Variants in USP9X observed in about 807,000 individuals in gnomAD.
USP9X encodes the protein ubiquitin specific peptidase 9 X-linked.
USP9X carries 7 observed loss-of-function variants against 190.3 expected under a neutral mutation model. The observed-to-expected ratio is 0.04, with a 90% CI of 0.02 to 0.07. The LOEUF is 0.07. Ranked by LOEUF, USP9X falls within the 10% of genes least tolerant of loss-of-function variation. The pLI is 1.00. For synonymous variants in USP9X, 645 were observed against 659.5 expected, an observed-to-expected ratio of 0.98 and a Z score of 0.34; for missense variants, 1,010 against 1,916.9, an observed-to-expected ratio of 0.53 and a Z score of 8.83.
intron 13 of USP9X, among the ~76,000 whole-genome samples, chrX:41,151,873 C>T (rs934533301): frequency 1.8e-5 from 2 of 112,302 alleles, no homozygotes; most frequent in South Asian, 3.7e-4. Context: ...CCCAGTTACT[C>T]GGGAAGCTGA....
chrX:41,210,142 T>A (rs1479304301), intron 32 of USP9X, among the ~76,000 whole-genome samples: 1 of 111,582 alleles, frequency 9.0e-6, no homozygotes, highest in Non-Finnish European at 1.9e-5. Flanking sequence ...CACATAAGAG[T>A]GAGATCCACC....
At chrX:41,195,622 G>A (rs1267879311) in intron 26 of USP9X, among the ~76,000 whole-genome samples, 1 of 111,519 alleles carries the variant, frequency 9.0e-6, no homozygotes, top group Non-Finnish European at 1.9e-5. Flanking sequence ...ATGGTTTCGG[G>A]ATGAAAGGAT....
At chrX:41,167,285 C>A in intron 16 of USP9X, 197 bp from the exon 17 acceptor site, 1 of 295,764 alleles carries the variant, frequency 3.4e-6, no homozygotes, top group Non-Finnish European at 6.0e-6. Flanking sequence ...TTAAATTATT[C>A]AGAGACTTTC....
At chrX:41,150,668 A>G (rs1193258080) in intron 12 of USP9X, among the ~76,000 whole-genome samples, 1 of 111,723 alleles carries the variant, frequency 9.0e-6, no homozygotes, top group Non-Finnish European at 1.9e-5. Context: ...GTGTGTACAG[A>G]TATATTTCAG....
intron 43 of USP9X, among the ~76,000 whole-genome samples, chrX:41,230,204 AAAAAG>A (rs1326679665): frequency 1.1e-4 from 12 of 111,848 alleles, no homozygotes; most frequent in South Asian, 3.7e-4. Flanking sequence ...TCCATCTCAA[AAAAAG>A]AAAAGAAAAG....
At chrX:41,226,440 G>A (rs1569203659) in intron 41 of USP9X, among the ~76,000 whole-genome samples, 1 of 111,888 alleles carries the variant, frequency 8.9e-6, no homozygotes, top group African/African-American at 3.2e-5. Context: ...TAGTTTGTTT[G>A]GGAAAACAAT....
intron 1 of USP9X, among the ~76,000 whole-genome samples, chrX:41,106,549 T>A (rs1271254157): frequency 1.2e-4 from 11 of 90,277 alleles, no homozygotes; most frequent in East Asian, 3.2e-4. Context: ...TTTTTTTTTT[T>A]AGACAGAGTC....
In USP9X at chrX:41,196,575, T is replaced by C. The variant is rs1278074597; in HGVS notation, c.4087-17T>C. ...AGGATGGACGTGTAAATTGATATTA[T>C]TCTACTCTGTTTCCAGAGCACAGCA... On this transcript the variant is annotated splice_polypyrimidine_tract_variant and intron_variant, in intron 27 of 44. Transcript: ENST00000378308. 1.7e-6 allele frequency: 2 copies of C among 1,203,666 alleles called. No homozygotes were observed. The highest frequency in any genetic ancestry group is 2.2e-6 in the Non-Finnish European group (2 of 893,127).
At chrX:41,119,682 T>C (rs1348512106) in intron 1 of USP9X, among the ~76,000 whole-genome samples, 2 of 112,295 alleles carry the variant, frequency 1.8e-5, no homozygotes, top group Admixed American at 1.9e-4. Context: ...ATTCACATAT[T>C]AGCCAGGTGT....
At chrX:41,192,277 C>T (rs1163134820) in intron 26 of USP9X, among the ~76,000 whole-genome samples, 1 of 112,253 alleles carries the variant, frequency 8.9e-6, no homozygotes, top group East Asian at 2.8e-4. Context: ...AACTTAAATG[C>T]CACATATTCT....
rs757076727 is a variant in USP9X, at chrX:41,166,811, G to A, written c.2328+597G>A. ...CAAACCATAGATAAAGATGTTTATT[G>A]TGGCATTTGAGTATTTAAAAGCTTT... On this transcript the variant is annotated intron_variant, in intron 16 of 44. Coordinates refer to ENST00000378308, the MANE Select transcript of USP9X (RefSeq NM_001039591.3). Among the ~76,000 whole-genome samples, 3 of 112,018 alleles carry A rather than the reference G, an allele frequency of 2.7e-5. No individual in the cohort carries two copies. In the East Asian group the frequency reaches 8.3e-4, roughly 31 times the overall value.
At chrX:41,172,369 A>G (rs2062734472) in intron 21 of USP9X, among the ~76,000 whole-genome samples, 1 of 111,872 alleles carries the variant, frequency 8.9e-6, no homozygotes, top group African/African-American at 3.2e-5. Flanking sequence ...ATGTTTGCCT[A>G]TACCTGGACT....
chrX:41,131,985 A>T (rs1035183371), intron 4 of USP9X, among the ~76,000 whole-genome samples: 1 of 111,627 alleles, frequency 9.0e-6, no homozygotes, highest in Non-Finnish European at 1.9e-5. Flanking sequence ...AATTATTTAC[A>T]CTTGACCTTT....
intron 26 of USP9X, among the ~76,000 whole-genome samples, chrX:41,191,329 CAAAAAAAA>C (rs60716097): frequency 1.5e-5 from 1 of 65,661 alleles, no homozygotes; most frequent in African/African-American, 5.7e-5. Flanking sequence ...AACTCCATGT[CAAAAAAAA>C]AAAAAAAAAA....
intron 1 of USP9X, among the ~76,000 whole-genome samples, chrX:41,120,439 A>G (rs183965088): frequency 1.2e-4 from 13 of 111,785 alleles, no homozygotes; most frequent in East Asian, 2.8e-4. Context: ...TGAGAAGTCT[A>G]TCTTCATATC....
chrX:41,110,746 A>T (rs1188247907), intron 1 of USP9X, among the ~76,000 whole-genome samples: 3 of 112,367 alleles, frequency 2.7e-5, no homozygotes, highest in African/African-American at 9.7e-5. Context: ...AAGTTGGGAA[A>T]TGAGAGACAA....
At position 41,171,804 on chromosome X, in the gene USP9X, T is replaced by C. The variant is rs370920912; in HGVS notation, c.3028-34T>C. The C allele has an allele frequency of 6.0e-5, 71 of 1,185,256 alleles. No homozygotes were observed. The African/African-American group carries it at 1.1e-3, about 18-fold the overall frequency. Reference sequence around the variant, plus strand: ...TTTTATAAAACGGGAGTAAATAATTTAGAGGTAATTATTTTGTGTATTTTA... The same window carrying C: ...TTTTATAAAACGGGAGTAAATAATTCAGAGGTAATTATTTTGTGTATTTTA... On this transcript the variant is annotated intron_variant, in intron 20 of 44. Transcript: ENST00000378308.
At position 41,128,946 on chromosome X, in the gene USP9X, T is replaced by C. The variant is rs2062282197; in HGVS notation, c.97-54T>C. ...TTGTCTATGTTGGTGTTTGGATTAC[T>C]ATTTTACATATGTTATAGAAACTTA... On this transcript the variant is annotated intron_variant, in intron 2 of 44. Transcript: ENST00000378308. The C allele has an allele frequency of 5.2e-6, 6 of 1,147,031 alleles. No individual in the cohort carries two copies. In the South Asian group the frequency reaches 7.7e-5, roughly 15 times the overall value. 94.5% of individuals were successfully genotyped at this position (1,147,031 alleles called of 1,213,427 possible). A position where few individuals can be genotyped will look rare whatever the true frequency, so the allele number is the denominator to read the frequency against.
chrX:41,134,608 ATTTG>A (rs1216656136), intron 4 of USP9X, 113 bp from the exon 5 acceptor site: 2 of 527,947 alleles, frequency 3.8e-6, no homozygotes, highest in South Asian at 3.7e-5. Flanking sequence ...GCAATTAAAT[ATTTG>A]TTAGCTGTCG....
Sources: allele counts gnomAD v4.1 joint callset (sites outside exome capture counted in the v4.1 genomes callset), GRCh38; gene constraint gnomAD v4.1.1; transcripts MANE v1.5; gene names NCBI Gene and HGNC (gene_info 2026-07-23, HGNC 2026-07-21).